Variants in ABLIM2 observed in about 807,000 individuals in gnomAD.
ABLIM2 encodes actin binding LIM protein family member 2, also known as actin-binding LIM protein 2.
In ABLIM2, 53 loss-of-function variants were observed where a neutral mutation model predicts 97.7. The observed-to-expected ratio is 0.54, with a 90% confidence interval of 0.44 to 0.68. The LOEUF (loss-of-function observed/expected upper bound fraction) is 0.68. Among genes scored for constraint, ABLIM2 ranks in the 30% least tolerant of loss-of-function variants. The probability of loss-of-function intolerance (pLI) is 0.00; values close to 1 mark genes in which losing one functional copy is unlikely to be tolerated. For missense variants in ABLIM2, 835 were observed against 867.2 expected (o/e 0.96, Z 0.47); for synonymous variants, 361 against 345.8 (o/e 1.04, Z -0.49).
chr4:8,118,795 C>T (rs1843932329), intron 1 of ABLIM2, among the ~76,000 whole-genome samples: 1 of 152,232 alleles, frequency 6.6e-6, no homozygotes, highest in South Asian at 2.1e-4. Context: ...TCCTTCCAGG[C>T]CCACGTCAAA....
At chr4:7,973,695 A>T (rs1209709296) in intron 20 of ABLIM2, among the ~76,000 whole-genome samples, 1 of 152,170 alleles carries the variant, frequency 6.6e-6, no homozygotes, top group Non-Finnish European at 1.5e-5. Context: ...TTTCCTGCTA[A>T]GCCCTGCCCT....
rs1278626046 is a variant in ABLIM2, at chr4:8,150,718, G to A, written c.10+7962C>T. On this transcript the variant is annotated intron_variant, in intron 1 of 20. Transcript: ENST00000447017. This position sits in a 1 kb window ranked among gnomAD's most constrained non-coding sequence, Gnocchi z 6.3. The stretch of plus-strand genomic sequence containing the variant: ...GATGACTCAAGACACCACGCCTCCT[G>A]AGGATGCTGTGCCGAGAAAACCGGG... Among the ~76,000 whole-genome samples, 5 of 152,202 alleles carry A rather than the reference G, an allele frequency of 3.3e-5. No individual in the cohort carries two copies. Among genetic ancestry groups the A allele is most frequent in the Non-Finnish European group, 7.3e-5 (5 of 68,032 alleles).
intron 14 of ABLIM2, among the ~76,000 whole-genome samples, chr4:8,016,073 C>G (rs1768980528): frequency 8.9e-6 from 1 of 112,588 alleles, no homozygotes; most frequent in African/African-American, 3.7e-5. Context: ...GAGATGGAGT[C>G]TCACTCTGTC....
At chr4:8,028,155 C>T (rs577494628) in intron 11 of ABLIM2, among the ~76,000 whole-genome samples, 1 of 152,326 alleles carries the variant, frequency 6.6e-6, no homozygotes, top group South Asian at 2.1e-4. Flanking sequence ...TTTGGGGTCT[C>T]CTGGGGATCA....
At position 8,122,307 on chromosome 4, in the gene ABLIM2, C is replaced by T. The variant is rs2152880993; in HGVS notation, c.11-15670G>A. The stretch of plus-strand genomic sequence containing the variant: ...AGGTCCCCCACTTTGTCCTCGGCTC[C>T]CATCCTCCATTTCCCAGGGGACACC... On this transcript the variant is annotated intron_variant, in intron 1 of 20. Transcript: ENST00000447017. This position sits in a 1 kb window ranked among gnomAD's most constrained non-coding sequence, Gnocchi z 4.1. 6.6e-6 allele frequency among the ~76,000 whole-genome samples: 1 copy of T among 152,298 alleles called. No homozygotes were observed. Among genetic ancestry groups the T allele is most frequent in the East Asian group, 1.9e-4 (1 of 5,180 alleles).
chr4:8,006,871 T>G, intron 16 of ABLIM2: 1 of 332,462 alleles, frequency 3.0e-6, no homozygotes, highest in Non-Finnish European at 4.3e-6. Context: ...TCTGGGGGAT[T>G]TTTGCAGGGG....
rs1802780804 is a variant in ABLIM2 at position 8,061,169 on chromosome 4, A to G, written c.676-115T>C. 1.1e-6 allele frequency: 1 copy of G among 877,188 alleles called. No homozygotes were observed. Among genetic ancestry groups the G allele is most frequent in the Non-Finnish European group, 1.8e-6 (1 of 562,600 alleles). 54.3% of individuals were successfully genotyped at this position (877,188 alleles called of 1,614,324 possible). A position where few individuals can be genotyped will look rare whatever the true frequency, so the allele number is the denominator to read the frequency against. ...AGCACAGGTACTCAGGGGATACTGG[A>G]AGGGCCAGCCCCCACCATCGGGACC... On this transcript the variant is annotated intron_variant, in intron 6 of 20. Coordinates refer to ENST00000447017, the MANE Select transcript of ABLIM2 (RefSeq NM_001130083.2). The surrounding 1 kb of genome is among the most constrained non-coding windows in gnomAD (Gnocchi z 4.5).
chr4:7,983,692 C>A, intron 18 of ABLIM2, 138 bp from the exon 19 acceptor site: 1 of 1,084,796 alleles, frequency 9.2e-7, no homozygotes, highest in Non-Finnish European at 1.4e-6. Context: ...CCCCGAGCAG[C>A]CTGCACTGAG....
rs1280792844 is a variant in ABLIM2 at position 8,123,310 on chromosome 4, G to C, written c.11-16673C>G. Among the ~76,000 whole-genome samples, 1 of 152,168 alleles carries C rather than the reference G, an allele frequency of 6.6e-6. No individual in the cohort carries two copies. The highest frequency in any genetic ancestry group is 1.5e-5 in the Non-Finnish European group (1 of 68,034). On this transcript the variant is annotated intron_variant, in intron 1 of 20. Coordinates refer to ENST00000447017, the MANE Select transcript of ABLIM2 (RefSeq NM_001130083.2). The surrounding 1 kb of genome is among the most constrained non-coding windows in gnomAD (Gnocchi z 6.2). ...GCATGAGAGGCGTTGTCACCCTCAGGCTGCAGGCAAGGGAACCCCATCTCA... is the reference window on the plus strand; with the variant it reads ...GCATGAGAGGCGTTGTCACCCTCAGCCTGCAGGCAAGGGAACCCCATCTCA...
chr4:7,988,454 T>C (rs1196842883), intron 17 of ABLIM2, among the ~76,000 whole-genome samples: 1 of 152,250 alleles, frequency 6.6e-6, no homozygotes, highest in Non-Finnish European at 1.5e-5. Context: ...CCTGAGATCA[T>C]ATGACAAATA....
Position 8,045,144 on chromosome 4 carries a change from A to G in ABLIM2, c.900+20T>C. On this transcript the variant is annotated intron_variant, in intron 9 of 20. Coordinates refer to ENST00000447017, the MANE Select transcript of ABLIM2 (RefSeq NM_001130083.2). ...TCTCCACCCTCCCACCGCCGTCCCC[A>G]TAAAAAGGCCCTGACTTACATAAAT... 7.5e-6 allele frequency: 12 copies of G among 1,610,620 alleles called. No individual in the cohort carries two copies. In the African/African-American group the frequency reaches 9.3e-5, roughly 13 times the overall value.
chr4:8,099,413 G>A (rs1833360508), intron 2 of ABLIM2, among the ~76,000 whole-genome samples: 1 of 152,172 alleles, frequency 6.6e-6, no homozygotes, highest in South Asian at 2.1e-4. Flanking sequence ...AGTGGTTCTG[G>A]TGCCCCACTC....
intron 8 of ABLIM2, among the ~76,000 whole-genome samples, chr4:8,053,849 G>A (rs569235092): frequency 1.8e-3 from 271 of 152,134 alleles, no homozygotes; most frequent in African/African-American, 5.8e-3. Flanking sequence ...TTCTCTCCCC[G>A]TCCTGCCACG....
At chr4:8,040,381 T>C (rs1329107159) in intron 9 of ABLIM2, among the ~76,000 whole-genome samples, 1 of 152,004 alleles carries the variant, frequency 6.6e-6, no homozygotes, top group Non-Finnish European at 1.5e-5. Context: ...GAGGCCAAGG[T>C]AGGTGGGTCA....
intron 20 of ABLIM2, among the ~76,000 whole-genome samples, chr4:7,979,499 A>G (rs917462639): frequency 6.6e-6 from 1 of 152,264 alleles, no homozygotes; most frequent in Non-Finnish European, 1.5e-5. Flanking sequence ...GAGCCTTAAG[A>G]GAATATGATT....
Position 8,023,245 on chromosome 4 carries a change from G to T in ABLIM2, c.1268-2942C>A, listed in dbSNP as rs976532163. ...CCACCTGCACGCCGCACGGGATTCG[G>T]GTTTCCCCGGGTGTCACCTGATGTT... On this transcript the variant is annotated intron_variant, in intron 12 of 20. Coordinates refer to ENST00000447017, the MANE Select transcript of ABLIM2 (RefSeq NM_001130083.2). The surrounding 1 kb of genome is among the most constrained non-coding windows in gnomAD (Gnocchi z 5.7). The T allele has an allele frequency of 6.6e-6, 1 of 152,234 alleles. No individual in the cohort carries two copies. Among genetic ancestry groups the T allele is most frequent in the Non-Finnish European group, 1.5e-5 (1 of 68,072 alleles). 9.4% of individuals were successfully genotyped at this position (152,234 alleles called of 1,614,324 possible). A position where few individuals can be genotyped will look rare whatever the true frequency, so the allele number is the denominator to read the frequency against.
chr4:8,139,714 C>T (rs776122512), intron 1 of ABLIM2, among the ~76,000 whole-genome samples: 2 of 152,168 alleles, frequency 1.3e-5, no homozygotes, highest in Non-Finnish European at 2.9e-5. Context: ...AGATCCAGAA[C>T]CAGAAATACC....
At chr4:8,045,880 C>T (rs571622139) in intron 8 of ABLIM2, among the ~76,000 whole-genome samples, 2 of 152,222 alleles carry the variant, frequency 1.3e-5, no homozygotes, top group South Asian at 4.2e-4. Context: ...AGTCCACTGG[C>T]CCAGGTTCCT....
At chr4:7,972,590 C>A (rs1284326783) in intron 20 of ABLIM2, among the ~76,000 whole-genome samples, 1 of 152,352 alleles carries the variant, frequency 6.6e-6, no homozygotes, top group East Asian at 1.9e-4. Context: ...TCTGGGCTGT[C>A]CCCTCTGCAG....
Sources: allele counts gnomAD v4.1 joint callset (sites outside exome capture counted in the v4.1 genomes callset), GRCh38; gene constraint gnomAD v4.1.1; non-coding constraint Gnocchi (gnomAD v3.1); transcripts MANE v1.5; gene names NCBI Gene and HGNC (gene_info 2026-07-23, HGNC 2026-07-21).